Variants in SLC35F1 observed in about 807,000 individuals in gnomAD.
The protein encoded by SLC35F1 is chromosome 6 open reading frame 169.
SLC35F1 carries 14 observed loss-of-function variants against 48.7 expected under a neutral mutation model. The observed-to-expected ratio is 0.29, with a 90% CI of 0.19 to 0.45. SLC35F1 has a LOEUF of 0.45. SLC35F1 is among the 20% of genes least tolerant of loss of function. The pLI is 1.00. For synonymous variants in SLC35F1, 190 were observed against 202.2 expected (o/e 0.94, Z 0.51); for missense variants, 404 against 500.0 (o/e 0.81, Z 1.83).
At chr6:118,076,420 C>T (rs1026272957) in intron 1 of SLC35F1, among the ~76,000 whole-genome samples, 15 of 152,150 alleles carry the variant, frequency 9.9e-5, no homozygotes, top group Admixed American at 2.0e-4. Flanking sequence ...AATTGACTCA[C>T]GGTTCTACAG....
intron 2 of SLC35F1, among the ~76,000 whole-genome samples, chr6:118,234,526 C>T (rs373553830): frequency 7.2e-5 from 11 of 152,294 alleles, no homozygotes; most frequent in South Asian, 2.1e-4. Flanking sequence ...ACACTGCATT[C>T]CCGGTTGACA....
chr6:118,110,382 C>A (rs1372096710), intron 1 of SLC35F1, among the ~76,000 whole-genome samples: 3 of 152,006 alleles, frequency 2.0e-5, no homozygotes, highest in South Asian at 4.2e-4. Flanking sequence ...CTGTAATTGA[C>A]AAATTGCTGG....
At chr6:118,098,967 A>G (rs1773218194) in intron 1 of SLC35F1, among the ~76,000 whole-genome samples, 2 of 152,206 alleles carry the variant, frequency 1.3e-5, no homozygotes, top group South Asian at 2.1e-4. Flanking sequence ...TACATCCTCT[A>G]GGTGTACCTT....
chr6:117,974,146 A>C (rs945663450), intron 1 of SLC35F1, among the ~76,000 whole-genome samples: 5 of 152,218 alleles, frequency 3.3e-5, no homozygotes, highest in Non-Finnish European at 5.9e-5. Flanking sequence ...AAATAGGAAT[A>C]ATAATAATAC....
intron 2 of SLC35F1, among the ~76,000 whole-genome samples, chr6:118,175,054 C>A (rs1051045911): frequency 6.6e-6 from 1 of 152,108 alleles, no homozygotes; most frequent in Non-Finnish European, 1.5e-5. Context: ...TTCCACCCTG[C>A]CTGTACTTCA....
At chr6:118,079,623 G>A (rs1338389133) in intron 1 of SLC35F1, among the ~76,000 whole-genome samples, 1 of 152,190 alleles carries the variant, frequency 6.6e-6, no homozygotes, top group Non-Finnish European at 1.5e-5. Flanking sequence ...CGTGACTGAA[G>A]TGGGCAGGAT....
intron 1 of SLC35F1, among the ~76,000 whole-genome samples, chr6:118,038,803 G>C (rs1484482765): frequency 6.6e-6 from 1 of 151,696 alleles, no homozygotes. Context: ...TAATTTTTTT[G>C]TAGATACAAG....
chr6:118,041,585 G>A (rs565356020), intron 1 of SLC35F1, among the ~76,000 whole-genome samples: 1 of 152,180 alleles, frequency 6.6e-6, no homozygotes, highest in Non-Finnish European at 1.5e-5. Context: ...ACATCAAAAT[G>A]CAATGTTTGG....
At chr6:118,082,962 C>T (rs1772934025) in intron 1 of SLC35F1, among the ~76,000 whole-genome samples, 1 of 152,096 alleles carries the variant, frequency 6.6e-6, no homozygotes, top group Non-Finnish European at 1.5e-5. Flanking sequence ...AGCATACCCA[C>T]CAGGACCACT....
At chr6:118,041,320 T>C (rs1057437894) in intron 1 of SLC35F1, among the ~76,000 whole-genome samples, 6 of 152,208 alleles carry the variant, frequency 3.9e-5, no homozygotes, top group African/African-American at 1.4e-4. Flanking sequence ...TAAATTTACA[T>C]CTTTGGTAAT....
intron 7 of SLC35F1, among the ~76,000 whole-genome samples, chr6:118,293,745 CT>C (rs1197133128): frequency 1.3e-5 from 2 of 152,226 alleles, no homozygotes; most frequent in Non-Finnish European, 2.9e-5. Flanking sequence ...ACACTATGCT[CT>C]GTTGAATTTC....
In SLC35F1 at chr6:118,017,141, C is replaced by A. The variant is rs1451011794; in HGVS notation, c.173+109242C>A. ...CAATGTCTTGAATGGACTCTAGAAC[C>A]AATATAAACTGGTGGTGTTCTGAAT... On this transcript the variant is annotated intron_variant, in intron 1 of 7. Transcript: ENST00000360388. Among the ~76,000 whole-genome samples the A allele has an allele frequency of 2.6e-5, 4 of 152,136 alleles. No homozygotes were observed. In the East Asian group the frequency reaches 7.7e-4, roughly 29 times the overall value.
chr6:118,078,534 A>G (rs1211599730), intron 1 of SLC35F1, among the ~76,000 whole-genome samples: 1 of 152,242 alleles, frequency 6.6e-6, no homozygotes, highest in East Asian at 1.9e-4. Flanking sequence ...ATTAAGAAAA[A>G]AATAAAATAA....
intron 1 of SLC35F1, among the ~76,000 whole-genome samples, chr6:117,940,654 T>A (rs998038840): frequency 7.9e-5 from 12 of 151,116 alleles, no homozygotes; most frequent in Non-Finnish European, 1.6e-4. Flanking sequence ...TCTTTTTTTT[T>A]GTGTGTGTGT....
At chr6:117,971,915 C>A (rs1776647757) in intron 1 of SLC35F1, among the ~76,000 whole-genome samples, 3 of 152,180 alleles carry the variant, frequency 2.0e-5, no homozygotes, top group Non-Finnish European at 4.4e-5. Flanking sequence ...CTCTGATATG[C>A]CCTGGAGACA....
At chr6:117,984,198 C>T (rs866831109) in intron 1 of SLC35F1, among the ~76,000 whole-genome samples, 1 of 152,116 alleles carries the variant, frequency 6.6e-6, no homozygotes, top group African/African-American at 2.4e-5. Context: ...AGCAGACTCA[C>T]TGCCTGTTTT....
intron 1 of SLC35F1, among the ~76,000 whole-genome samples, chr6:118,073,250 A>G (rs934714415): frequency 7.9e-5 from 12 of 152,226 alleles, no homozygotes; most frequent in Admixed American, 2.0e-4. Context: ...AGAGGCTAAA[A>G]TATAGCCGAA....
At chr6:117,957,401 C>T (rs897056211) in intron 1 of SLC35F1, among the ~76,000 whole-genome samples, 4 of 152,112 alleles carry the variant, frequency 2.6e-5, no homozygotes, top group Non-Finnish European at 5.9e-5. Context: ...TGTAATGGTA[C>T]TGAATATGTA....
intron 1 of SLC35F1, among the ~76,000 whole-genome samples, chr6:118,041,372 C>G (rs1772217395): frequency 6.6e-6 from 1 of 152,084 alleles, no homozygotes; most frequent in South Asian, 2.1e-4. Context: ...ATACTCCAAC[C>G]CTCCTATAAA....
Sources: allele counts gnomAD v4.1 joint callset (sites outside exome capture counted in the v4.1 genomes callset), GRCh38; gene constraint gnomAD v4.1.1; transcripts MANE v1.5; gene names NCBI Gene and HGNC (gene_info 2026-07-23, HGNC 2026-07-21).